The following ITGB5 variants were observed in gnomAD, a reference collection of about 807,000 sequenced individuals.
ITGB5 encodes the protein integrin subunit beta 5, also known as integrin beta-5.
In ITGB5, 38 loss-of-function variants were observed where a neutral mutation model predicts 84.8. That is an observed-to-expected ratio of 0.45 (90% CI 0.35 to 0.59). ITGB5 has a LOEUF of 0.59. Among genes scored for constraint, ITGB5 ranks in the 20% least tolerant of loss-of-function variants. The pLI is 0.01. For missense variants in ITGB5, 905 were observed against 1,034.5 expected (o/e 0.87, Z 1.72); for synonymous variants, 393 against 414.4 (o/e 0.95, Z 0.63).
chr3:124,823,429 G>C (rs1195758494), intron 5 of ITGB5, among the ~76,000 whole-genome samples: 1 of 151,818 alleles, frequency 6.6e-6, no homozygotes, highest in Admixed American at 6.6e-5. Flanking sequence ...CACATTTTAG[G>C]AACCTGGAGT....
intron 10 of ITGB5, among the ~76,000 whole-genome samples, chr3:124,784,933 T>C (rs946738667): frequency 2.0e-5 from 3 of 152,244 alleles, no homozygotes; most frequent in Non-Finnish European, 4.4e-5. Context: ...CACCCCAGGC[T>C]GGCCACTGTT....
chr3:124,824,849 C>G (rs2064760155), intron 5 of ITGB5, among the ~76,000 whole-genome samples: 1 of 152,130 alleles, frequency 6.6e-6, no homozygotes, highest in Non-Finnish European at 1.5e-5. Flanking sequence ...GCCATTAGAT[C>G]CGTATTTGAA....
chr3:124,873,582 T>C (rs766173455), intron 1 of ITGB5, 51 bp from the exon 2 acceptor site: 12 of 1,355,346 alleles, frequency 8.9e-6, no homozygotes, highest in East Asian at 2.3e-5. Flanking sequence ...ATAAACTTCA[T>C]GGATCAAGCC....
chr3:124,851,788 T>A (rs2065160107), intron 3 of ITGB5, among the ~76,000 whole-genome samples: 1 of 152,172 alleles, frequency 6.6e-6, no homozygotes, highest in Non-Finnish European at 1.5e-5. Context: ...TACTTGATTT[T>A]AAATGCCACA....
chr3:124,829,572 A>G (rs1275515678), intron 5 of ITGB5, among the ~76,000 whole-genome samples: 1 of 151,918 alleles, frequency 6.6e-6, no homozygotes, highest in Non-Finnish European at 1.5e-5. Context: ...CCAGGATCTC[A>G]CAGTTCTGGT....
At chr3:124,843,165 A>T (rs1026198827) in intron 4 of ITGB5, among the ~76,000 whole-genome samples, 1 of 152,108 alleles carries the variant, frequency 6.6e-6, no homozygotes, top group Non-Finnish European at 1.5e-5. Context: ...TCATTTTGTC[A>T]TGAAAAGAAC....
At chr3:124,810,802 A>G (rs2064487656) in intron 8 of ITGB5, among the ~76,000 whole-genome samples, 1 of 152,142 alleles carries the variant, frequency 6.6e-6, no homozygotes, top group Non-Finnish European at 1.5e-5. Context: ...AAGGACCCCA[A>G]CATCCGCAGA....
chr3:124,789,187 A>G (rs2064122321), intron 10 of ITGB5, among the ~76,000 whole-genome samples: 1 of 152,248 alleles, frequency 6.6e-6, no homozygotes, highest in African/African-American at 2.4e-5. Flanking sequence ...ACTGATTCTG[A>G]GTGTGAAAAT....
At chr3:124,839,375 G>C (rs2064981949) in intron 5 of ITGB5, among the ~76,000 whole-genome samples, 1 of 152,142 alleles carries the variant, frequency 6.6e-6, no homozygotes, top group African/African-American at 2.4e-5. Context: ...CATCCATCAG[G>C]GATGGCACAG....
At chr3:124,783,319 A>T (rs2064033777) in intron 10 of ITGB5, among the ~76,000 whole-genome samples, 1 of 147,860 alleles carries the variant, frequency 6.8e-6, no homozygotes, top group Non-Finnish European at 1.5e-5. Context: ...AAAAAGAGAG[A>T]GAGAGAGATT....
chr3:124,784,054 A>T (rs148438124), intron 10 of ITGB5, among the ~76,000 whole-genome samples: 1 of 151,800 alleles, frequency 6.6e-6, no homozygotes, highest in East Asian at 1.9e-4. Context: ...CCACTGCTAT[A>T]AAAAAAAATA....
chr3:124,870,358 C>T (rs1429246896), intron 2 of ITGB5, among the ~76,000 whole-genome samples: 2 of 152,186 alleles, frequency 1.3e-5, no homozygotes, highest in Non-Finnish European at 2.9e-5. Context: ...CAATAAATAG[C>T]CATCCAGTGA....
At chr3:124,891,914 C>T (rs148620651), upstream of ITGB5, among the ~76,000 whole-genome samples, 759 of 147,708 alleles carry the variant, frequency 5.1e-3, 10 homozygotes, top group African/African-American at 0.018. Flanking sequence ...GAGGCCCTGT[C>T]TCAAAAAAAA....
Position 124,875,476 on chromosome 3 carries a change from CAAAA to C in ITGB5, c.71-1949_71-1946del, listed in dbSNP as rs35782965. Among the ~76,000 whole-genome samples, 8 of 104,642 alleles carry C rather than the reference CAAAA, an allele frequency of 7.6e-5. No homozygotes were observed. In the South Asian group the frequency reaches 2.5e-3, roughly 33 times the overall value. 68.6% of individuals were successfully genotyped at this position (104,642 alleles called of 152,430 possible). A position where few individuals can be genotyped will look rare whatever the true frequency, so the allele number is the denominator to read the frequency against. On this transcript the variant is annotated intron_variant, in intron 1 of 14. Coordinates refer to ENST00000296181, the MANE Select transcript of ITGB5 (RefSeq NM_002213.5). The stretch of plus-strand genomic sequence containing the variant: ...TGGGTGACAGAGCAAGACTCTGTCT[CAAAA>C]AAAAAAAAAAAAAAAGACAAAAGCC...
In ITGB5 at chr3:124,853,979, C is replaced by T. The variant is rs141476897; in HGVS notation, c.361+5263G>A. On this transcript the variant is annotated intron_variant, in intron 3 of 14. Coordinates refer to ENST00000296181, the MANE Select transcript of ITGB5 (RefSeq NM_002213.5). ...TCTTAATTGCTCAGTGTTTCAAAAC[C>T]ACCTTTAGCTTTTGACGGTTCTCAA... is the stretch of plus-strand genomic sequence containing the variant. 2.2e-3 allele frequency among the ~76,000 whole-genome samples: 330 copies of T among 152,224 alleles called. 3 individuals are homozygous for T. The highest frequency in any genetic ancestry group is 7.7e-3 in the African/African-American group (321 of 41,540).
chr3:124,814,529 C>T (rs2064556713), intron 8 of ITGB5, among the ~76,000 whole-genome samples: 1 of 151,116 alleles, frequency 6.6e-6, no homozygotes, highest in African/African-American at 2.4e-5. Context: ...CAGGCTAGAG[C>T]ACAGTGATAC....
At chr3:124,771,748 C>CAA (rs59189728) in intron 11 of ITGB5, among the ~76,000 whole-genome samples, 72 of 69,166 alleles carry the variant, frequency 1.0e-3, no homozygotes, top group Middle Eastern at 0.011. Context: ...GACCCTGTCT[C>CAA]AAAAAAAAAA....
intron 1 of ITGB5, chr3:124,878,569 G>A (rs528121014): frequency 6.6e-6 from 1 of 151,938 alleles, no homozygotes; most frequent in African/African-American, 2.4e-5. Context: ...ACTGGACTGG[G>A]GGGATGCTAG....
chr3:124,871,440 C>T (rs1312357271), intron 2 of ITGB5, among the ~76,000 whole-genome samples: 1 of 152,134 alleles, frequency 6.6e-6, no homozygotes, highest in African/African-American at 2.4e-5. Context: ...GTGATCCACC[C>T]GTCTCAGCCT....
Sources: gnomAD v4.1 joint callset for allele counts (sites outside exome capture counted in the v4.1 genomes callset) on GRCh38, gnomAD v4.1.1 for gene constraint, MANE v1.5 for transcripts, NCBI Gene and HGNC (gene_info 2026-07-23, HGNC 2026-07-21) for gene names.